The following PARD3B variants were observed in gnomAD, a reference collection of about 807,000 sequenced individuals.
PARD3B encodes par-3 family cell polarity regulator beta, also known as partitioning defective 3 homolog B.
PARD3B carries 103 observed loss-of-function variants against 130.2 expected under a neutral mutation model. The observed-to-expected ratio is 0.79, with a 90% CI of 0.67 to 0.93. The LOEUF is 0.93. PARD3B is among the 40% of genes least tolerant of loss of function. The probability of loss-of-function intolerance (pLI) is 0.00; values close to 1 mark genes in which losing one functional copy is unlikely to be tolerated. For synonymous variants in PARD3B, 583 were observed against 553.2 expected (o/e 1.05, Z -0.76); for missense variants, 1,609 against 1,499.2 (o/e 1.07, Z -1.21).
chr2:205,577,248 A>C (rs577771247), intron 22 of PARD3B, among the ~76,000 whole-genome samples: 125 of 144,690 alleles, frequency 8.6e-4, no homozygotes, highest in African/African-American at 2.9e-3. Flanking sequence ...CTGCAAATGA[A>C]GACAGTTTTT....
At chr2:205,347,645 A>G (rs978042083) in intron 18 of PARD3B, among the ~76,000 whole-genome samples, 4 of 152,186 alleles carry the variant, frequency 2.6e-5, no homozygotes, top group African/African-American at 4.8e-5. Flanking sequence ...GAGATTAATG[A>G]AAGATTTTTT....
chr2:204,999,122 A>G (rs987575168), intron 3 of PARD3B, among the ~76,000 whole-genome samples: 8 of 150,884 alleles, frequency 5.3e-5, no homozygotes, highest in Middle Eastern at 3.4e-3. Context: ...TTTTTTGCCA[A>G]TATTTTCTTC....
At chr2:205,587,190 A>G (rs1003279236) in intron 22 of PARD3B, among the ~76,000 whole-genome samples, 2 of 152,238 alleles carry the variant, frequency 1.3e-5, no homozygotes, top group African/African-American at 4.8e-5. Flanking sequence ...CTAATGCGGT[A>G]TTTGAATGAG....
At chr2:205,540,115 G>A (rs1006446282) in intron 21 of PARD3B, among the ~76,000 whole-genome samples, 1 of 152,032 alleles carries the variant, frequency 6.6e-6, no homozygotes, top group Non-Finnish European at 1.5e-5. Context: ...CTACATCCAT[G>A]TCTTGGCTCA....
chr2:204,922,617 G>T (rs61193992), intron 2 of PARD3B, among the ~76,000 whole-genome samples: 2 of 152,124 alleles, frequency 1.3e-5, no homozygotes, highest in East Asian at 3.9e-4. Context: ...GAAATTGGTG[G>T]TAAGGGAAGT....
intron 2 of PARD3B, among the ~76,000 whole-genome samples, chr2:204,773,130 G>T (rs941615967): frequency 1.3e-5 from 2 of 151,836 alleles, no homozygotes; most frequent in African/African-American, 4.8e-5. Context: ...ACTGGTAAAA[G>T]ATAATTTTCT....
intron 1 of PARD3B, among the ~76,000 whole-genome samples, chr2:204,611,341 C>T (rs756784954): frequency 6.6e-6 from 1 of 152,180 alleles, no homozygotes; most frequent in Non-Finnish European, 1.5e-5. Context: ...ACATTTTGAC[C>T]CCTGTCTAAG....
intron 18 of PARD3B, among the ~76,000 whole-genome samples, chr2:205,393,893 T>C (rs2045939841): frequency 6.6e-6 from 1 of 152,146 alleles, no homozygotes; most frequent in Non-Finnish European, 1.5e-5. Context: ...AATGTCATCA[T>C]TACTTAGAAA....
At chr2:205,232,568 A>G (rs1169621854) in intron 15 of PARD3B, among the ~76,000 whole-genome samples, 1 of 152,216 alleles carries the variant, frequency 6.6e-6, no homozygotes, top group Admixed American at 6.6e-5. Flanking sequence ...TATAATAAGG[A>G]AAAAAATTAG....
rs867171491 is a variant in PARD3B at position 204,807,199 on chromosome 2, A to G, written c.222+120917A>G. Among the ~76,000 whole-genome samples the G allele has an allele frequency of 9.9e-5, 15 of 152,274 alleles. No homozygotes were observed. The South Asian group carries it at 2.3e-3, about 23-fold the overall frequency. On this transcript the variant is annotated intron_variant, in intron 2 of 22. Coordinates refer to ENST00000406610, the MANE Select transcript of PARD3B (RefSeq NM_001302769.2). The stretch of plus-strand genomic sequence containing the variant: ...ACCTCTACCAGATCCCTCCTGTGAC[A>G]TGTGGGGATTATGGGAGCTACAATT...
In PARD3B at chr2:204,570,864, T is replaced by C. The variant is rs529950931; in HGVS notation, c.120+24745T>C. Among the ~76,000 whole-genome samples the C allele has an allele frequency of 2.9e-3, 428 of 148,756 alleles. 1 individual carries two copies. The highest frequency in any genetic ancestry group is 7.2e-3 in the Middle Eastern group (2 of 278). On this transcript the variant is annotated intron_variant, in intron 1 of 22. Transcript: ENST00000406610. ...TGCAACTGAGGTGTATAAGCTGTTG[T>C]AACTGAGGTGTATAAGCTGTTGCAA...
chr2:204,582,116 T>C (rs13427607), intron 1 of PARD3B, among the ~76,000 whole-genome samples: 1,930 of 152,314 alleles, frequency 0.013, 38 homozygotes, highest in African/African-American at 0.044. Context: ...TCTTCTCGAA[T>C]GTTCCCAAGG....
chr2:205,206,320 C>T (rs1239183600), intron 15 of PARD3B, among the ~76,000 whole-genome samples: 1 of 150,336 alleles, frequency 6.7e-6, no homozygotes, highest in East Asian at 2.0e-4. Context: ...CACCCACCAA[C>T]TCGTCATCTA....
chr2:205,408,862 T>A (rs1473805396), intron 19 of PARD3B, among the ~76,000 whole-genome samples: 1 of 152,176 alleles, frequency 6.6e-6, no homozygotes, highest in Non-Finnish European at 1.5e-5. Context: ...AATGTTGGAA[T>A]GATTCCCAGT....
chr2:205,482,891 A>C (rs1450878105), intron 20 of PARD3B, among the ~76,000 whole-genome samples: 2 of 151,938 alleles, frequency 1.3e-5, no homozygotes, highest in South Asian at 2.1e-4. Context: ...CAGCTGTTTT[A>C]TTTCTTTTTT....
chr2:205,434,704 G>T (rs2047449270), intron 19 of PARD3B, among the ~76,000 whole-genome samples: 1 of 152,088 alleles, frequency 6.6e-6, no homozygotes, highest in African/African-American at 2.4e-5. Context: ...TTGATTTAAA[G>T]AGACCAAATA....
At chr2:205,010,593 A>G (rs767736223) in intron 3 of PARD3B, among the ~76,000 whole-genome samples, 11 of 152,202 alleles carry the variant, frequency 7.2e-5, no homozygotes, top group Non-Finnish European at 1.3e-4. Flanking sequence ...CACTTGATTT[A>G]TAGTTTGGCT....
chr2:204,812,661 C>T (rs2125526758), intron 2 of PARD3B, among the ~76,000 whole-genome samples: 1 of 152,190 alleles, frequency 6.6e-6, no homozygotes, highest in Non-Finnish European at 1.5e-5. Context: ...TTTGCCTTAC[C>T]AGTTGAATGT....
At position 205,590,804 on chromosome 2, in the gene PARD3B, C is replaced by T. The variant is rs371896369; in HGVS notation, c.3261-24652C>T. On this transcript the variant is annotated intron_variant, in intron 22 of 22. Coordinates refer to ENST00000406610, the MANE Select transcript of PARD3B (RefSeq NM_001302769.2). This position sits in a 1 kb window ranked among gnomAD's most constrained non-coding sequence, Gnocchi z 4.1. ...CAAGAAGTAGGATGAGTACCAAATC[C>T]CTAAAAAATGTTCTGTCAAACCAGT... 1.3e-5 allele frequency among the ~76,000 whole-genome samples: 2 copies of T among 152,018 alleles called. No individual in the cohort carries two copies. Among genetic ancestry groups the T allele is most frequent in the Non-Finnish European group, 2.9e-5 (2 of 68,020 alleles).
Sources: allele counts gnomAD v4.1 joint callset (sites outside exome capture counted in the v4.1 genomes callset), GRCh38; gene constraint gnomAD v4.1.1; non-coding constraint Gnocchi (gnomAD v3.1); transcripts MANE v1.5; gene names NCBI Gene and HGNC (gene_info 2026-07-23, HGNC 2026-07-21).